The following IQCM variants were observed in gnomAD, a reference collection of about 807,000 sequenced individuals.
IQCM encodes IQ motif containing M, also known as IQ domain-containing protein M.
In IQCM, 45 loss-of-function variants were observed where a neutral mutation model predicts 57.6. The ratio of observed to expected loss-of-function variants is 0.78; its 90% CI spans 0.62 to 1.00. The LOEUF is 1.00. Among genes scored for constraint, IQCM ranks in the 50% least tolerant of loss-of-function variants. The pLI, the probability that IQCM is intolerant of heterozygous loss-of-function variation, is 0.00. For synonymous variants in IQCM, 148 were observed against 158.9 expected, an observed-to-expected ratio of 0.93 and a Z score of 0.51; for missense variants, 468 against 511.6, an observed-to-expected ratio of 0.91 and a Z score of 0.82.
intron 8 of IQCM, among the ~76,000 whole-genome samples, chr4:149,612,827 G>A (rs2150056531): frequency 6.6e-6 from 1 of 152,086 alleles, no homozygotes; most frequent in South Asian, 2.1e-4. Context: ...TAAAGATAAT[G>A]TACAACCTTG....
chr4:149,543,146 AT>A (rs1425865567), intron 12 of IQCM, among the ~76,000 whole-genome samples: 1 of 152,088 alleles, frequency 6.6e-6, no homozygotes, highest in African/African-American at 2.4e-5. Context: ...GCTGCATTTA[AT>A]TTTTTAATTT....
At chr4:149,574,712 C>T (rs1465441212) in intron 9 of IQCM, among the ~76,000 whole-genome samples, 1 of 151,918 alleles carries the variant, frequency 6.6e-6, no homozygotes, top group Non-Finnish European at 1.5e-5. Context: ...ATATTAAACA[C>T]TAAATCAGTT....
chr4:149,464,185 A>G (rs1162459990), intron 12 of IQCM, among the ~76,000 whole-genome samples: 2 of 152,208 alleles, frequency 1.3e-5, no homozygotes, highest in African/African-American at 2.4e-5. Flanking sequence ...CCTGACAGAA[A>G]GGACACAACT....
intron 12 of IQCM, among the ~76,000 whole-genome samples, chr4:149,456,815 T>C (rs1737754802): frequency 6.6e-6 from 1 of 152,194 alleles, no homozygotes; most frequent in South Asian, 2.1e-4. Context: ...TTTTCTCATA[T>C]GCCAAAGTAC....
intron 12 of IQCM, among the ~76,000 whole-genome samples, chr4:149,445,260 G>A (rs1454294236): frequency 1.3e-5 from 2 of 151,770 alleles, no homozygotes; most frequent in Non-Finnish European, 2.9e-5. Context: ...ATGGGCAACA[G>A]GACTGTCAAG....
At chr4:149,383,834 C>T (rs976706990) in intron 13 of IQCM, among the ~76,000 whole-genome samples, 1 of 152,118 alleles carries the variant, frequency 6.6e-6, no homozygotes, top group African/African-American at 2.4e-5. Context: ...TGGCTGTAAT[C>T]CCAGCTAATT....
chr4:149,394,257 T>G (rs1305331054), intron 13 of IQCM, among the ~76,000 whole-genome samples: 1 of 151,980 alleles, frequency 6.6e-6, no homozygotes, highest in African/African-American at 2.4e-5. Flanking sequence ...AAATTTTTCT[T>G]TCATTATTTC....
intron 2 of IQCM, among the ~76,000 whole-genome samples, chr4:149,751,043 C>A (rs554964359): frequency 6.6e-6 from 1 of 151,936 alleles, no homozygotes; most frequent in Admixed American, 6.6e-5. Context: ...GGTTTTGGAG[C>A]GTTTATATGT....
Position 149,710,511 on chromosome 4 carries a change from T to C in IQCM, c.385+22733A>G, listed in dbSNP as rs1416599989. ...TATAGAAACAGGCAATCCATGCCCA[T>C]ATTCTTGTTGCTCCTCCCATTCAAG... On this transcript the variant is annotated intron_variant, in intron 5 of 13. Coordinates refer to ENST00000636793, the MANE Select transcript of IQCM (RefSeq NM_001363507.2). Among the ~76,000 whole-genome samples, 5 of 152,206 alleles carry C rather than the reference T, an allele frequency of 3.3e-5. No individual in the cohort carries two copies. In the East Asian group the frequency reaches 7.7e-4, roughly 24 times the overall value.
In IQCM at chr4:149,451,205, C is replaced by A. The variant is rs528079388; in HGVS notation, c.1229-17648G>T. On this transcript the variant is annotated intron_variant, in intron 12 of 13. Transcript: ENST00000636793. Reference sequence around the variant, plus strand: ...GAGGCTGCGAAGGGAAGGGAAGGGTCAGGGGAGATGGGGTGATTAATGGGT... The same window carrying A: ...GAGGCTGCGAAGGGAAGGGAAGGGTAAGGGGAGATGGGGTGATTAATGGGT... Among the ~76,000 whole-genome samples the A allele has an allele frequency of 2.6e-4, 39 of 151,468 alleles. 1 individual carries two copies. Among genetic ancestry groups the A allele is most frequent in the Middle Eastern group, 3.4e-3 (1 of 294 alleles).
chr4:149,639,841 A>T (rs757277609), intron 7 of IQCM, among the ~76,000 whole-genome samples: 16 of 152,254 alleles, frequency 1.1e-4, no homozygotes, highest in Middle Eastern at 6.8e-3. Context: ...AAGTGGGAGG[A>T]TCCCTCGAGA....
At chr4:149,494,633 C>G (rs992317662) in intron 12 of IQCM, among the ~76,000 whole-genome samples, 5 of 152,088 alleles carry the variant, frequency 3.3e-5, no homozygotes, top group Admixed American at 3.3e-4. Context: ...AGCACTCCAT[C>G]TGCAAACAGT....
intron 9 of IQCM, among the ~76,000 whole-genome samples, chr4:149,576,860 T>C (rs557754840): frequency 6.6e-6 from 1 of 152,108 alleles, no homozygotes; most frequent in South Asian, 2.1e-4. Flanking sequence ...CCACCAGCAA[T>C]GTATAAGTGC....
At chr4:149,746,470 T>C (rs987887673) in intron 2 of IQCM, among the ~76,000 whole-genome samples, 1 of 152,206 alleles carries the variant, frequency 6.6e-6, no homozygotes, top group African/African-American at 2.4e-5. Context: ...CAATTCATTC[T>C]CCACACAGCA....
rs1411597253 is a variant in IQCM at position 149,368,817 on chromosome 4, T to TATAC, written c.1391-16752_1391-16751insGTAT. ...ATACATATATATACATGTATATATA[T>TATAC]ACATATATATACATGTATATATATA... On this transcript the variant is annotated intron_variant, in intron 13 of 13. Coordinates refer to ENST00000636793, the MANE Select transcript of IQCM (RefSeq NM_001363507.2). Among the ~76,000 whole-genome samples the TATAC allele has an allele frequency of 2.1e-5, 2 of 96,680 alleles. 1 individual carries two copies. Among genetic ancestry groups the TATAC allele is most frequent in the Non-Finnish European group, 4.0e-5 (2 of 49,458 alleles). 63.4% of individuals were successfully genotyped at this position (96,680 alleles called of 152,430 possible).
chr4:149,465,448 T>A (rs1018875568), intron 12 of IQCM, among the ~76,000 whole-genome samples: 2 of 152,172 alleles, frequency 1.3e-5, no homozygotes, highest in African/African-American at 4.8e-5. Context: ...AAAGGCTGAT[T>A]AACTGCATTC....
At chr4:149,666,755 C>A (rs1300547396) in intron 7 of IQCM, among the ~76,000 whole-genome samples, 1 of 152,004 alleles carries the variant, frequency 6.6e-6, no homozygotes, top group African/African-American at 2.4e-5. Flanking sequence ...GGGGTGTCTG[C>A]CATTACTGAG....
intron 2 of IQCM, among the ~76,000 whole-genome samples, chr4:149,799,119 C>G (rs1773378315): frequency 6.7e-6 from 1 of 150,358 alleles, no homozygotes; most frequent in Non-Finnish European, 1.5e-5. Context: ...TTAACACATT[C>G]AAAAAATTAA....
chr4:149,469,408 A>G (rs1482937253), intron 12 of IQCM, among the ~76,000 whole-genome samples: 1 of 152,214 alleles, frequency 6.6e-6, no homozygotes, highest in Non-Finnish European at 1.5e-5. Context: ...ATGAAGCAAG[A>G]AGAGAAGTTT....
Sources: gnomAD v4.1 joint callset for allele counts (sites outside exome capture counted in the v4.1 genomes callset) on GRCh38, gnomAD v4.1.1 for gene constraint, MANE v1.5 for transcripts, NCBI Gene and HGNC (gene_info 2026-07-23, HGNC 2026-07-21) for gene names.